Variants in LAMC1 observed in about 807,000 individuals in gnomAD.
The protein encoded by LAMC1 is laminin subunit gamma 1.
LAMC1 carries 38 observed loss-of-function variants against 173.6 expected under a neutral mutation model. The observed-to-expected ratio is 0.22, with a 90% confidence interval of 0.17 to 0.29. The LOEUF is 0.29. Ranked by LOEUF, LAMC1 falls within the 10% of genes least tolerant of loss-of-function variation. The probability of loss-of-function intolerance (pLI) is 1.00; values close to 1 mark genes in which losing one functional copy is unlikely to be tolerated. For missense variants in LAMC1, 1,824 were observed against 2,051.8 expected, an observed-to-expected ratio of 0.89 and a Z score of 2.14; for synonymous variants, 746 against 749.1, an observed-to-expected ratio of 1.00 and a Z score of 0.07.
At chr1:183,032,945 A>G (rs569367336) in intron 1 of LAMC1, among the ~76,000 whole-genome samples, 17 of 152,270 alleles carry the variant, frequency 1.1e-4, no homozygotes, top group Middle Eastern at 3.4e-3. Flanking sequence ...GAGCTCAAGA[A>G]TAAATTTTAC....
At chr1:183,128,827 AT>A in intron 18 of LAMC1, 77 bp downstream of exon 18, 1 of 1,095,600 alleles carries the variant, frequency 9.1e-7, no homozygotes, top group Admixed American at 2.7e-5. Flanking sequence ...CAAGGTTAGT[AT>A]AGTTTTATAA....
At position 183,130,510 on chromosome 1, in the gene LAMC1, C is replaced by T. The variant is rs1191635657; in HGVS notation, c.3447C>T (p.Ser1149=). 2 of 1,614,048 alleles carry T rather than the reference C, an allele frequency of 1.2e-6. No individual in the cohort carries two copies. Among genetic ancestry groups the T allele is most frequent in the African/African-American group, 1.3e-5 (1 of 74,920 alleles). Residue 1149 remains serine, a synonymous_variant, in exon 19 of 28, where the codon TCC becomes TCT. Coordinates refer to ENST00000258341, the MANE Select transcript of LAMC1 (RefSeq NM_002293.4). The part of the protein sequence containing the change: ...ENTERLIEIA[S]RELEKAKVAA... ...CAGAGCGGTTGATTGAAATCGCATCCAGAGAACTTGAGAAAGCAAAAGTCG... is the reference window on the plus strand; with the variant it reads ...CAGAGCGGTTGATTGAAATCGCATCTAGAGAACTTGAGAAAGCAAAAGTCG...
chr1:183,059,877 G>C (rs1290265119), intron 1 of LAMC1, among the ~76,000 whole-genome samples: 1 of 152,164 alleles, frequency 6.6e-6, no homozygotes, highest in Non-Finnish European at 1.5e-5. Context: ...TTCTCTGACT[G>C]TAGGTTCCTT....
intron 1 of LAMC1, among the ~76,000 whole-genome samples, chr1:183,082,633 C>A (rs993200493): frequency 6.6e-6 from 1 of 152,194 alleles, no homozygotes; most frequent in Non-Finnish European, 1.5e-5. Context: ...ATTTTAGAAT[C>A]ACTGCTGGAA....
chr1:183,131,457 GTGTAT>G, intron 20 of LAMC1, 79 bp downstream of exon 20: 2 of 1,021,646 alleles, frequency 2.0e-6, no homozygotes, highest in Middle Eastern at 2.1e-4. Context: ...GTGTGTGTGT[GTGTAT>G]TGTCTTATCC....
chr1:183,124,880 A>G lies in LAMC1; in HGVS notation c.2647+4A>G, dbSNP rs1240862183. 1 of 1,613,568 alleles carries G rather than the reference A, an allele frequency of 6.2e-7. No individual in the cohort carries two copies. Among genetic ancestry groups the G allele is most frequent in the East Asian group, 2.2e-5 (1 of 44,886 alleles). Reference sequence around the variant, plus strand: ...AATCCAGCAGACAAATGCAAAGGTAATCAGCCTTTGATCAGATTCTGTCAC... The same window carrying G: ...AATCCAGCAGACAAATGCAAAGGTAGTCAGCCTTTGATCAGATTCTGTCAC... On this transcript the variant is annotated splice_donor_region_variant and intron_variant, in intron 14 of 27. Transcript: ENST00000258341.
At chr1:183,080,100 C>T (rs761521737) in intron 1 of LAMC1, among the ~76,000 whole-genome samples, 5 of 151,890 alleles carry the variant, frequency 3.3e-5, no homozygotes, top group African/African-American at 9.7e-5. Context: ...AAAAATTAGC[C>T]GGGTGTGGTG....
intron 18 of LAMC1, 164 bp downstream of exon 18, chr1:183,128,914 C>G: frequency 2.2e-6 from 1 of 447,760 alleles, no homozygotes; most frequent in Non-Finnish European, 3.7e-6. Context: ...AAAAAGCAAC[C>G]TGACAAATTT....
At chr1:183,101,139 A>G (rs535596436) in intron 1 of LAMC1, among the ~76,000 whole-genome samples, 3 of 152,244 alleles carry the variant, frequency 2.0e-5, no homozygotes, top group African/African-American at 7.2e-5. Context: ...ACAATGAGAT[A>G]TCAGAAGGAT....
At chr1:183,124,460 A>C (rs562885989) in intron 13 of LAMC1, among the ~76,000 whole-genome samples, 171 bp from the exon 14 acceptor site, 1 of 152,120 alleles carries the variant, frequency 6.6e-6, no homozygotes, top group Admixed American at 6.5e-5. Context: ...GCTCAAGGTC[A>C]CTCTGGTGGT....
chr1:183,050,747 T>G (rs28477876), intron 1 of LAMC1, among the ~76,000 whole-genome samples: 1 of 149,608 alleles, frequency 6.7e-6, no homozygotes, highest in South Asian at 2.1e-4. Context: ...CAAAATTAGC[T>G]GAGTCTGGTG....
chr1:183,100,354 T>C (rs565927351), intron 1 of LAMC1, among the ~76,000 whole-genome samples: 1 of 152,346 alleles, frequency 6.6e-6, no homozygotes, highest in South Asian at 2.1e-4. Context: ...ATGCCTTCAG[T>C]GGCTGGCCAT....
intron 1 of LAMC1, among the ~76,000 whole-genome samples, chr1:183,050,336 C>A (rs1309817432): frequency 3.5e-5 from 5 of 141,782 alleles, no homozygotes; most frequent in Non-Finnish European, 7.5e-5. Flanking sequence ...GGCTGGAATG[C>A]AGTGGCGTGA....
intron 1 of LAMC1, among the ~76,000 whole-genome samples, chr1:183,094,939 C>T (rs113520681): frequency 1.8e-4 from 27 of 151,796 alleles, no homozygotes; most frequent in Admixed American, 4.6e-4. Context: ...CTCTGCCTCC[C>T]GATTCAAGTG....
chr1:183,084,005 A>T (rs891476015), intron 1 of LAMC1, among the ~76,000 whole-genome samples: 2 of 152,200 alleles, frequency 1.3e-5, no homozygotes, highest in African/African-American at 4.8e-5. Context: ...ACTGGTTTAT[A>T]TGTGGGATCT....
chr1:183,066,671 T>C (rs1654881630), intron 1 of LAMC1, among the ~76,000 whole-genome samples: 1 of 152,154 alleles, frequency 6.6e-6, no homozygotes, highest in African/African-American at 2.4e-5. Context: ...TGGATGAAGC[T>C]GGAAAGCATC....
At chr1:183,120,823 G>T (rs12410162) in intron 11 of LAMC1, among the ~76,000 whole-genome samples, 2 of 149,650 alleles carry the variant, frequency 1.3e-5, no homozygotes, top group African/African-American at 2.4e-5. Flanking sequence ...GAGAGTTTTT[G>T]TTTTTTGTTT....
chr1:183,064,971 C>G (rs1654841030), intron 1 of LAMC1, among the ~76,000 whole-genome samples: 1 of 152,130 alleles, frequency 6.6e-6, no homozygotes, highest in Non-Finnish European at 1.5e-5. Flanking sequence ...GCCAGTTAAC[C>G]TAAAGTGCAC....
chr1:183,108,362 C>A lies in LAMC1; in HGVS notation c.810C>A (p.Leu270=). 6.2e-7 allele frequency: 1 copy of A among 1,613,488 alleles called. No homozygotes were observed. Among genetic ancestry groups the A allele is most frequent in the South Asian group, 1.1e-5 (1 of 91,004 alleles). The change falls in exon 3 of 28, where the codon CTC becomes CTA. Residue 270 remains leucine, a synonymous_variant. Coordinates refer to ENST00000258341, the MANE Select transcript of LAMC1 (RefSeq NM_002293.4). ...AAGTGTTTAACGATCCCAAAGTTCTCAAGTCCTATTATTATGCCATCTCTG... is the reference window on the plus strand; with the variant it reads ...AAGTGTTTAACGATCCCAAAGTTCTAAAGTCCTATTATTATGCCATCTCTG... ...GDEVFNDPKV[L]KSYYYAISDF...
Sources: allele counts gnomAD v4.1 joint callset (sites outside exome capture counted in the v4.1 genomes callset), GRCh38; gene constraint gnomAD v4.1.1; transcripts MANE v1.5; gene names NCBI Gene and HGNC (gene_info 2026-07-23, HGNC 2026-07-21).